The following EHBP1 variants were observed in gnomAD, a reference collection of about 807,000 sequenced individuals.
EHBP1 encodes EH domain-binding protein 1.
A neutral mutation model predicts 144.0 loss-of-function variants in EHBP1; 55 were observed. The ratio of observed to expected loss-of-function variants is 0.38; its 90% CI spans 0.31 to 0.48. The LOEUF (loss-of-function observed/expected upper bound fraction) is 0.48, where lower values mean the gene tolerates loss of function less well. EHBP1 is among the 20% of genes least tolerant of loss of function. EHBP1 has a pLI of 0.98. For missense variants in EHBP1, 1,200 were observed against 1,364.2 expected (o/e 0.88, Z 1.90); for synonymous variants, 469 against 472.7 (o/e 0.99, Z 0.10).
chr2:62,941,743 GC>G (rs2056767052), intron 10 of EHBP1, among the ~76,000 whole-genome samples: 1 of 151,974 alleles, frequency 6.6e-6, no homozygotes, highest in Non-Finnish European at 1.5e-5. Flanking sequence ...ACTTTAGAGG[GC>G]CTGTATTTAA....
intron 9 of EHBP1, among the ~76,000 whole-genome samples, chr2:62,873,900 A>C (rs2050675435): frequency 6.6e-6 from 1 of 152,220 alleles, no homozygotes; most frequent in Non-Finnish European, 1.5e-5. Context: ...TTGCTGAATG[A>C]ACTGCTAAAA....
intron 1 of EHBP1, among the ~76,000 whole-genome samples, chr2:62,686,903 G>C (rs1199869801): frequency 6.6e-6 from 1 of 152,124 alleles, no homozygotes; most frequent in Non-Finnish European, 1.5e-5. Flanking sequence ...GTACCAACAA[G>C]TGTTCTAGGT....
At chr2:62,805,631 C>T (rs1035899973) in intron 5 of EHBP1, among the ~76,000 whole-genome samples, 1 of 152,118 alleles carries the variant, frequency 6.6e-6, no homozygotes, top group Admixed American at 6.5e-5. Flanking sequence ...TCTCCCATCT[C>T]AGCCTCCTGA....
At chr2:62,754,024 C>T (rs1256650348) in intron 3 of EHBP1, among the ~76,000 whole-genome samples, 2 of 152,190 alleles carry the variant, frequency 1.3e-5, no homozygotes, top group Non-Finnish European at 2.9e-5. Flanking sequence ...AGGTTTGTTT[C>T]GTTGCTGGCG....
chr2:62,944,989 T>G (rs115406995), intron 12 of EHBP1, among the ~76,000 whole-genome samples: 259 of 152,324 alleles, frequency 1.7e-3, no homozygotes, highest in Non-Finnish European at 3.0e-3. Flanking sequence ...AAAAAATACA[T>G]TTTACTTTCA....
chr2:62,782,829 G>A (rs2042535936), intron 5 of EHBP1, among the ~76,000 whole-genome samples: 1 of 152,106 alleles, frequency 6.6e-6, no homozygotes, highest in Non-Finnish European at 1.5e-5. Context: ...CATATCTCAT[G>A]TCTTCACGTT....
intron 5 of EHBP1, among the ~76,000 whole-genome samples, chr2:62,793,471 A>C (rs1433891183): frequency 6.6e-6 from 1 of 152,106 alleles, no homozygotes. Context: ...TGTTGATTCA[A>C]GGACAGTTTT....
intron 14 of EHBP1, among the ~76,000 whole-genome samples, chr2:62,964,104 C>T (rs961343703): frequency 1.3e-5 from 2 of 152,142 alleles, no homozygotes; most frequent in Non-Finnish European, 2.9e-5. Flanking sequence ...GCTATCCTAA[C>T]AATAGTTACT....
chr2:62,686,884 A>C (rs1009128681), intron 1 of EHBP1, among the ~76,000 whole-genome samples: 1 of 152,206 alleles, frequency 6.6e-6, no homozygotes, highest in Non-Finnish European at 1.5e-5. Flanking sequence ...TTTGTCAAGC[A>C]CTTACTATGT....
At chr2:63,029,855 A>G (rs866889165) in intron 19 of EHBP1, among the ~76,000 whole-genome samples, 5 of 152,132 alleles carry the variant, frequency 3.3e-5, no homozygotes, top group Middle Eastern at 3.2e-3. Context: ...CAGCCTCCCG[A>G]GTAGCTGGGA....
At chr2:62,775,923 G>C (rs904204606) in intron 5 of EHBP1, among the ~76,000 whole-genome samples, 3 of 152,160 alleles carry the variant, frequency 2.0e-5, no homozygotes, top group African/African-American at 7.2e-5. Context: ...TAAGAAAGAT[G>C]AAAAGAGATC....
rs143683454 is a variant in EHBP1, at chr2:62,799,760, T to C, written c.313-26327T>C. Among the ~76,000 whole-genome samples the C allele has an allele frequency of 2.1e-4, 32 of 152,170 alleles. No homozygotes were observed. In the East Asian group the frequency reaches 6.0e-3, roughly 28 times the overall value. ...CTCTTTAAAAAACAACCTAATCTAC[T>C]CAGTACAAAAGCAAGTATGGCACCA... is the stretch of plus-strand genomic sequence containing the variant. On this transcript the variant is annotated intron_variant, in intron 5 of 22. Coordinates refer to ENST00000431489, the MANE Select transcript of EHBP1 (RefSeq NM_001142616.3).
chr2:63,023,529 C>G (rs1314153944), intron 19 of EHBP1, among the ~76,000 whole-genome samples: 1 of 152,202 alleles, frequency 6.6e-6, no homozygotes, highest in Non-Finnish European at 1.5e-5. Context: ...TTGCAAACAT[C>G]TGGCTTGTCA....
At chr2:62,976,842 C>T (rs1439884694) in intron 14 of EHBP1, among the ~76,000 whole-genome samples, 5 of 151,992 alleles carry the variant, frequency 3.3e-5, no homozygotes, top group Non-Finnish European at 5.9e-5. Flanking sequence ...TCTCTCCCTC[C>T]CTTCTTATAG....
intron 2 of EHBP1, among the ~76,000 whole-genome samples, chr2:62,715,453 CT>C (rs762868991): frequency 1.2e-3 from 174 of 139,890 alleles, no homozygotes; most frequent in Admixed American, 1.1e-3. Context: ...TATTTCTTTT[CT>C]TTTTTTTTTT....
chr2:62,738,704 C>T (rs1308907171), intron 2 of EHBP1, among the ~76,000 whole-genome samples: 2 of 152,092 alleles, frequency 1.3e-5, no homozygotes, highest in African/African-American at 4.8e-5. Flanking sequence ...TTATTTTATT[C>T]TAGTTCTGGA....
chr2:62,941,037 G>A (rs1211591943), intron 10 of EHBP1, among the ~76,000 whole-genome samples: 1 of 152,094 alleles, frequency 6.6e-6, no homozygotes, highest in African/African-American at 2.4e-5. Flanking sequence ...GCCCATGTAT[G>A]TATTACCCAT....
chr2:62,908,130 A>G (rs529496208), intron 10 of EHBP1, among the ~76,000 whole-genome samples: 58 of 152,326 alleles, frequency 3.8e-4, no homozygotes, highest in African/African-American at 1.3e-3. Context: ...TTAAATTTCT[A>G]TAATAGCGGT....
At chr2:62,746,634 G>C (rs953882652) in intron 2 of EHBP1, among the ~76,000 whole-genome samples, 3 of 151,940 alleles carry the variant, frequency 2.0e-5, no homozygotes, top group African/African-American at 4.8e-5. Flanking sequence ...GTTATATTAG[G>C]TTGATGCAGA....
Sources: allele counts gnomAD v4.1 joint callset (sites outside exome capture counted in the v4.1 genomes callset), GRCh38; gene constraint gnomAD v4.1.1; transcripts MANE v1.5; gene names NCBI Gene and HGNC (gene_info 2026-07-23, HGNC 2026-07-21).